The following RAD51B variants were observed in gnomAD, a reference collection of about 807,000 sequenced individuals.
RAD51B encodes RAD51 paralog B.
A neutral mutation model predicts 42.2 loss-of-function variants in RAD51B; 38 were observed. That is an observed-to-expected ratio of 0.90 (90% CI 0.70 to 1.18). The LOEUF is 1.18. Among genes scored for constraint, RAD51B ranks in the 50% most tolerant of loss-of-function variants. The probability of loss-of-function intolerance (pLI) is 0.00; values close to 1 mark genes in which losing one functional copy is unlikely to be tolerated. For missense variants in RAD51B, 373 were observed against 400.7 expected (o/e 0.93, Z 0.59); for synonymous variants, 154 against 145.2 (o/e 1.06, Z -0.43).
At chr14:68,382,866 C>G (rs2083509042) in intron 8 of RAD51B, among the ~76,000 whole-genome samples, 1 of 152,176 alleles carries the variant, frequency 6.6e-6, no homozygotes, top group Non-Finnish European at 1.5e-5. Context: ...TGAAAAAAAC[C>G]TCTTTGGTAA....
At chr14:68,631,894 G>A (rs778226352) in intron 10 of RAD51B, among the ~76,000 whole-genome samples, 1 of 152,160 alleles carries the variant, frequency 6.6e-6, no homozygotes, top group Non-Finnish European at 1.5e-5. Context: ...ACCATCACTG[G>A]CTGGCCTGGG....
In RAD51B at chr14:68,368,931, G is replaced by T. The variant is rs562415662; in HGVS notation, c.854-42493G>T. Reference sequence around the variant, plus strand: ...TACAAAATCAAGTTGACATTTTGTGGCTCATTTTCAGGGTAGCTGCCGGAA... The same window carrying T: ...TACAAAATCAAGTTGACATTTTGTGTCTCATTTTCAGGGTAGCTGCCGGAA... On this transcript the variant is annotated intron_variant, in intron 8 of 10. Coordinates refer to ENST00000471583, the MANE Select transcript of RAD51B (RefSeq NM_133510.4). 2.8e-3 allele frequency among the ~76,000 whole-genome samples: 427 copies of T among 152,340 alleles called. 1 individual carries two copies. Among genetic ancestry groups the T allele is most frequent in the Non-Finnish European group, 4.6e-3 (313 of 68,026 alleles).
intron 9 of RAD51B, among the ~76,000 whole-genome samples, chr14:68,449,235 G>T (rs1372582984): frequency 6.6e-6 from 1 of 152,096 alleles, no homozygotes; most frequent in African/African-American, 2.4e-5. Context: ...ACAAAACTTT[G>T]TTTCAAACCA....
chr14:68,126,903 A>C (rs1467990997), intron 7 of RAD51B, among the ~76,000 whole-genome samples: 1 of 152,178 alleles, frequency 6.6e-6, no homozygotes, highest in African/African-American at 2.4e-5. Flanking sequence ...AAAGACTTTA[A>C]AGTAGCTGAG....
intron 7 of RAD51B, among the ~76,000 whole-genome samples, chr14:68,290,312 A>G (rs1440079583): frequency 1.3e-5 from 2 of 152,246 alleles, no homozygotes; most frequent in Non-Finnish European, 2.9e-5. Context: ...CAAGATGCTC[A>G]TAGTTTCTTC....
chr14:67,970,610 T>G (rs767213706), intron 7 of RAD51B, among the ~76,000 whole-genome samples: 3 of 152,114 alleles, frequency 2.0e-5, no homozygotes, highest in Non-Finnish European at 4.4e-5. Context: ...AATTTGCCAC[T>G]TTACTTGAAT....
intron 9 of RAD51B, among the ~76,000 whole-genome samples, chr14:68,422,697 A>G (rs2084738741): frequency 6.6e-6 from 1 of 152,198 alleles, no homozygotes; most frequent in African/African-American, 2.4e-5. Context: ...TTATGTTACC[A>G]TAACATTTTA....
intron 4 of RAD51B, among the ~76,000 whole-genome samples, chr14:67,837,171 G>GCA (rs143652969): frequency 3.9e-4 from 58 of 150,430 alleles, no homozygotes; most frequent in South Asian, 1.5e-3. Context: ...ACACACACAC[G>GCA]CACACACACA....
chr14:68,102,269 A>T (rs1274899096), intron 7 of RAD51B, among the ~76,000 whole-genome samples: 1 of 152,204 alleles, frequency 6.6e-6, no homozygotes. Context: ...TTGGCAAGTA[A>T]CATTTGACTC....
chr14:68,478,871 C>A (rs1882937025), downstream of RAD51B, among the ~76,000 whole-genome samples: 1 of 152,178 alleles, frequency 6.6e-6, no homozygotes, highest in Admixed American at 6.5e-5. Flanking sequence ...ATACCAAGTG[C>A]TCAGGTAAAG....
intron 10 of RAD51B, among the ~76,000 whole-genome samples, chr14:68,569,042 T>C (rs1022245075): frequency 5.3e-5 from 8 of 152,226 alleles, no homozygotes; most frequent in Admixed American, 2.0e-4. Context: ...GGGGTCTGGT[T>C]GGATAAAACA....
At chr14:68,368,621 A>G (rs1196680831) in intron 8 of RAD51B, among the ~76,000 whole-genome samples, 2 of 152,186 alleles carry the variant, frequency 1.3e-5, no homozygotes, top group East Asian at 3.9e-4. Context: ...AGCCGCTCCC[A>G]TATGCTCTAT....
At chr14:67,835,485 A>T (rs1302423571) in intron 4 of RAD51B, among the ~76,000 whole-genome samples, 1 of 152,048 alleles carries the variant, frequency 6.6e-6, no homozygotes, top group Non-Finnish European at 1.5e-5. Flanking sequence ...TGTGTTATAT[A>T]TATAATGCAT....
At chr14:68,577,723 G>A (rs1348509577) in intron 10 of RAD51B, among the ~76,000 whole-genome samples, 1 of 152,030 alleles carries the variant, frequency 6.6e-6, no homozygotes, top group Admixed American at 6.6e-5. Context: ...AGATACATTT[G>A]TGTTTATCAC....
chr14:68,077,562 A>G (rs1487659978), intron 7 of RAD51B, among the ~76,000 whole-genome samples: 2 of 152,240 alleles, frequency 1.3e-5, no homozygotes, highest in Non-Finnish European at 2.9e-5. Context: ...CTAAAAGACC[A>G]TCACAAGCTC....
chr14:67,862,291 A>G (rs745413723), intron 4 of RAD51B, among the ~76,000 whole-genome samples: 2 of 152,056 alleles, frequency 1.3e-5, no homozygotes, highest in Non-Finnish European at 2.9e-5. Context: ...TATTAAAACA[A>G]GCAAAACCCA....
At chr14:67,974,220 A>G (rs1484127109) in intron 7 of RAD51B, among the ~76,000 whole-genome samples, 1 of 152,144 alleles carries the variant, frequency 6.6e-6, no homozygotes, top group African/African-American at 2.4e-5. Flanking sequence ...TCTAAGGTAG[A>G]CAAATGGGAC....
intron 7 of RAD51B, among the ~76,000 whole-genome samples, chr14:68,226,880 T>G (rs1193519813): frequency 6.6e-6 from 1 of 152,216 alleles, no homozygotes; most frequent in East Asian, 1.9e-4. Flanking sequence ...ATAATCATGC[T>G]TTGATACAGT....
chr14:68,494,479 G>T (rs79904847), intron 10 of RAD51B, among the ~76,000 whole-genome samples: 1 of 152,058 alleles, frequency 6.6e-6, no homozygotes, highest in South Asian at 2.1e-4. Flanking sequence ...AAGCACCCCC[G>T]GTTGAAAACA....
Sources: allele counts gnomAD v4.1 joint callset (sites outside exome capture counted in the v4.1 genomes callset), GRCh38; gene constraint gnomAD v4.1.1; transcripts MANE v1.5; gene names NCBI Gene and HGNC (gene_info 2026-07-23, HGNC 2026-07-21).